Variants in PTPRD observed in about 807,000 individuals in gnomAD.
PTPRD encodes protein tyrosine phosphatase receptor type D, also known as receptor-type tyrosine-protein phosphatase delta.
In PTPRD, 34 loss-of-function variants were observed where a neutral mutation model predicts 214.5. The ratio of observed to expected loss-of-function variants is 0.16; its 90% CI spans 0.12 to 0.21. PTPRD has a LOEUF of 0.21. Among genes scored for constraint, PTPRD ranks in the 10% least tolerant of loss-of-function variants. The pLI is 1.00. For missense variants in PTPRD, 2,545 were observed against 2,398.7 expected, an observed-to-expected ratio of 1.06 and a Z score of -1.27; for synonymous variants, 1,128 against 845.7, an observed-to-expected ratio of 1.33 and a Z score of -5.79.
At chr9:9,814,775 C>T (rs1024960585) in intron 5 of PTPRD, among the ~76,000 whole-genome samples, 5 of 148,274 alleles carry the variant, frequency 3.4e-5, no homozygotes, top group Admixed American at 2.0e-4. Context: ...AAACCATGAA[C>T]GCTCCAAATA....
chr9:9,965,424 G>T (rs963896187), intron 4 of PTPRD, among the ~76,000 whole-genome samples: 1 of 152,132 alleles, frequency 6.6e-6, no homozygotes, highest in Admixed American at 6.6e-5. Flanking sequence ...TAGCAGAAAA[G>T]GGAACATCTC....
At position 8,905,118 on chromosome 9, in the gene PTPRD, C is replaced by A. The variant is rs116406572; in HGVS notation, c.-104+113579G>T. On this transcript the variant is annotated intron_variant, in intron 11 of 45. Coordinates refer to ENST00000381196, the MANE Select transcript of PTPRD (RefSeq NM_002839.4). Reference sequence around the variant, plus strand: ...CTTTAAGGTCATTCTCACCAGTCATCTCTGATTGGGTGGCTAAAAGTCAAG... The same window carrying A: ...CTTTAAGGTCATTCTCACCAGTCATATCTGATTGGGTGGCTAAAAGTCAAG... Among the ~76,000 whole-genome samples the A allele has an allele frequency of 1.5e-3, 229 of 152,276 alleles. 1 individual carries two copies. Among genetic ancestry groups the A allele is most frequent in the African/African-American group, 5.2e-3 (216 of 41,566 alleles).
chr9:9,445,088 T>A (rs2089915010), intron 8 of PTPRD, among the ~76,000 whole-genome samples: 1 of 152,118 alleles, frequency 6.6e-6, no homozygotes, highest in Middle Eastern at 3.2e-3. Context: ...TTTGTAAGAT[T>A]TTTGCACTTG....
intron 3 of PTPRD, among the ~76,000 whole-genome samples, chr9:10,147,569 G>T (rs371290843): frequency 1.3e-5 from 2 of 152,126 alleles, no homozygotes; most frequent in East Asian, 3.9e-4. Context: ...AGGAAGAAGA[G>T]TTATAGAGAT....
chr9:9,915,007 A>T (rs1188748241), intron 5 of PTPRD, among the ~76,000 whole-genome samples: 2 of 152,178 alleles, frequency 1.3e-5, no homozygotes, highest in Non-Finnish European at 2.9e-5. Flanking sequence ...CTGTGTGCAC[A>T]CATATGCCCC....
At chr9:8,350,518 A>G (rs980380457) in intron 39 of PTPRD, among the ~76,000 whole-genome samples, 4 of 152,186 alleles carry the variant, frequency 2.6e-5, no homozygotes, top group Admixed American at 2.0e-4. Flanking sequence ...AAGATTAATT[A>G]GGTGACTCTT....
chr9:9,137,534 A>C (rs2154478870), intron 10 of PTPRD, among the ~76,000 whole-genome samples: 1 of 152,304 alleles, frequency 6.6e-6, no homozygotes, highest in Non-Finnish European at 1.5e-5. Context: ...TTATAAAATT[A>C]TTATTTAACT....
chr9:9,931,713 G>A (rs1231353447), intron 5 of PTPRD, among the ~76,000 whole-genome samples: 1 of 151,668 alleles, frequency 6.6e-6, no homozygotes, highest in African/African-American at 2.4e-5. Flanking sequence ...CTCGAACTGG[G>A]TGGAGTCCAC....
At chr9:8,508,893 G>C (rs865970040) in intron 21 of PTPRD, among the ~76,000 whole-genome samples, 17 of 91,052 alleles carry the variant, frequency 1.9e-4, no homozygotes, top group East Asian at 1.2e-3. Context: ...GTGTGTGTCT[G>C]TGTGTGTGTG....
At chr9:8,346,270 A>T (rs763429316) in intron 39 of PTPRD, among the ~76,000 whole-genome samples, 16 of 152,154 alleles carry the variant, frequency 1.1e-4, no homozygotes, top group Non-Finnish European at 2.1e-4. Context: ...GCCAATCCTT[A>T]CATTTTCAGG....
At chr9:9,903,020 C>G (rs572299419) in intron 5 of PTPRD, among the ~76,000 whole-genome samples, 1 of 151,902 alleles carries the variant, frequency 6.6e-6, no homozygotes, top group African/African-American at 2.4e-5. Context: ...TGAAAAACAT[C>G]GAAAATTCCA....
chr9:8,981,960 G>T (rs969263864), intron 11 of PTPRD, among the ~76,000 whole-genome samples: 4 of 151,844 alleles, frequency 2.6e-5, no homozygotes, highest in African/African-American at 7.3e-5. Flanking sequence ...ATTTAATCTC[G>T]CCAGAGCAAA....
intron 8 of PTPRD, among the ~76,000 whole-genome samples, chr9:9,496,927 G>A (rs1160510627): frequency 6.6e-6 from 1 of 152,128 alleles, no homozygotes; most frequent in Non-Finnish European, 1.5e-5. Flanking sequence ...AAAAAGGAAG[G>A]AAATTCTGAC....
At chr9:8,586,983 T>A (rs910777718) in intron 14 of PTPRD, among the ~76,000 whole-genome samples, 4 of 151,988 alleles carry the variant, frequency 2.6e-5, no homozygotes, top group African/African-American at 4.8e-5. Flanking sequence ...CAGTCTCTAC[T>A]AAAAATACAA....
In PTPRD at chr9:9,446,142, T is replaced by C. The variant is rs1394518741; in HGVS notation, c.-236-48660A>G. ...TTTGCACGTGGCACCTCCAAGATGA[T>C]CCTTCAAACAAAACAAAACAGAACA... On this transcript the variant is annotated intron_variant, in intron 8 of 45. Coordinates refer to ENST00000381196, the MANE Select transcript of PTPRD (RefSeq NM_002839.4). Among the ~76,000 whole-genome samples the C allele has an allele frequency of 4.6e-5, 7 of 152,112 alleles. No homozygotes were observed. The South Asian group carries it at 1.0e-3, about 23-fold the overall frequency.
At chr9:9,174,780 T>C (rs1183743555) in intron 10 of PTPRD, among the ~76,000 whole-genome samples, 3 of 152,184 alleles carry the variant, frequency 2.0e-5, no homozygotes, top group Non-Finnish European at 4.4e-5. Flanking sequence ...ATTGTTATTA[T>C]TTTTATAAAT....
intron 14 of PTPRD, among the ~76,000 whole-genome samples, chr9:8,621,012 T>C (rs1034355746): frequency 3.9e-5 from 6 of 152,016 alleles, no homozygotes; most frequent in Non-Finnish European, 5.9e-5. Context: ...TGAAAACAAA[T>C]GCAAAAATCT....
chr9:10,570,715 C>A (rs1322842556), intron 2 of PTPRD, among the ~76,000 whole-genome samples: 2 of 152,016 alleles, frequency 1.3e-5, no homozygotes, highest in Non-Finnish European at 2.9e-5. Context: ...TTTACAAATG[C>A]GATTTTCCCA....
chr9:10,469,696 G>A (rs914936669), intron 2 of PTPRD, among the ~76,000 whole-genome samples: 1 of 152,062 alleles, frequency 6.6e-6, no homozygotes, highest in Admixed American at 6.6e-5. Context: ...ATATAAAAGA[G>A]TTGTGTGCAC....
Sources: allele counts gnomAD v4.1 joint callset (sites outside exome capture counted in the v4.1 genomes callset), GRCh38; gene constraint gnomAD v4.1.1; transcripts MANE v1.5; gene names NCBI Gene and HGNC (gene_info 2026-07-23, HGNC 2026-07-21).